NTM: variants seen among roughly 807,000 people sequenced by gnomAD.
NTM encodes the protein IgLON family member 2.
In NTM, 13 loss-of-function variants were observed where a neutral mutation model predicts 42.1. That is an observed-to-expected ratio of 0.31 (90% CI 0.20 to 0.49). The LOEUF is 0.49. Among genes scored for constraint, NTM ranks in the 20% least tolerant of loss-of-function variants. The pLI is 0.99. For missense variants in NTM, 373 were observed against 452.8 expected, an observed-to-expected ratio of 0.82 and a Z score of 1.60; for synonymous variants, 187 against 179.2, an observed-to-expected ratio of 1.04 and a Z score of -0.35.
At chr11:132,302,910 T>C (rs2094919710) in intron 4 of NTM, among the ~76,000 whole-genome samples, 1 of 152,234 alleles carries the variant, frequency 6.6e-6, no homozygotes, top group African/African-American at 2.4e-5. Flanking sequence ...TGTGAGAATT[T>C]CCTAGGAAGA....
At chr11:131,426,382 C>T (rs369865325) in intron 1 of NTM, among the ~76,000 whole-genome samples, 6 of 152,244 alleles carry the variant, frequency 3.9e-5, no homozygotes, top group Non-Finnish European at 7.4e-5. Context: ...CACAAGGGCA[C>T]GACCCTGAGC....
intron 2 of NTM, among the ~76,000 whole-genome samples, chr11:131,990,552 C>T (rs189600156): frequency 2.2e-4 from 34 of 151,778 alleles, no homozygotes; most frequent in African/African-American, 8.2e-4. Flanking sequence ...GTCTATAAAT[C>T]CAGGTTCCTT....
chr11:131,785,045 T>C (rs2088891640), intron 1 of NTM, among the ~76,000 whole-genome samples: 1 of 152,198 alleles, frequency 6.6e-6, no homozygotes, highest in Non-Finnish European at 1.5e-5. Context: ...TGTGTGTGTC[T>C]GTGTGGGTAC....
intron 1 of NTM, among the ~76,000 whole-genome samples, chr11:131,804,660 A>G (rs575487103): frequency 6.6e-6 from 1 of 152,328 alleles, no homozygotes; most frequent in Admixed American, 6.5e-5. Context: ...CCAACCTGAC[A>G]GCATCAGCCA....
At chr11:131,791,556 C>T (rs1346912837) in intron 1 of NTM, among the ~76,000 whole-genome samples, 1 of 152,168 alleles carries the variant, frequency 6.6e-6, no homozygotes, top group Non-Finnish European at 1.5e-5. Flanking sequence ...CTGAGAAGGC[C>T]CCTCAGGCTC....
intron 1 of NTM, among the ~76,000 whole-genome samples, chr11:131,789,810 G>A (rs11222797): frequency 4.1e-5 from 6 of 144,652 alleles, no homozygotes; most frequent in Non-Finnish European, 9.2e-5. Flanking sequence ...CAAAAAATTA[G>A]CCGGGTGTGG....
chr11:132,010,285 C>G (rs182784341), intron 2 of NTM, among the ~76,000 whole-genome samples: 185 of 152,306 alleles, frequency 1.2e-3, no homozygotes, highest in Non-Finnish European at 1.8e-3. Context: ...AGCTATAGCC[C>G]CAGCTTTTAG....
At position 132,215,276 on chromosome 11, in the gene NTM, G is replaced by C. The variant is rs2083612612; in HGVS notation, c.526+3129G>C. Among the ~76,000 whole-genome samples the C allele has an allele frequency of 2.0e-5, 3 of 151,894 alleles. No homozygotes were observed. The East Asian group carries it at 5.8e-4, about 29-fold the overall frequency. On this transcript the variant is annotated intron_variant, in intron 4 of 8. Coordinates refer to ENST00000683400, the MANE Select transcript of NTM (RefSeq NM_001352005.2). ...AATCCCTGGATGAACAGCTGATCAG[G>C]GCTAAGCTCTTTCAGCAACCCTGAT...
At chr11:131,930,120 C>T (rs1202738538) in intron 2 of NTM, among the ~76,000 whole-genome samples, 2 of 152,110 alleles carry the variant, frequency 1.3e-5, no homozygotes, top group Non-Finnish European at 2.9e-5. Flanking sequence ...CACTGAGTTG[C>T]AGAGAAAATA....
chr11:131,536,831 C>T (rs2052318451), intron 1 of NTM: 1 of 152,168 alleles, frequency 6.6e-6, no homozygotes, highest in Non-Finnish European at 1.5e-5. Flanking sequence ...GGGAAGTGGG[C>T]CTGGAAGAAT....
intron 1 of NTM, among the ~76,000 whole-genome samples, chr11:131,405,369 AGGCT>A (rs1945698021): frequency 3.3e-5 from 5 of 152,118 alleles, no homozygotes; most frequent in Non-Finnish European, 7.3e-5. Flanking sequence ...CCCCAGTGAG[AGGCT>A]GTTTTTCCCT....
intron 2 of NTM, among the ~76,000 whole-genome samples, chr11:131,948,557 G>A (rs1378181943): frequency 6.6e-6 from 1 of 152,104 alleles, no homozygotes; most frequent in Admixed American, 6.5e-5. Context: ...TTGCTTCTAG[G>A]AGGAGTGATT....
intron 1 of NTM, among the ~76,000 whole-genome samples, chr11:131,724,547 A>G (rs1404985574): frequency 1.3e-5 from 2 of 152,164 alleles, no homozygotes; most frequent in Non-Finnish European, 2.9e-5. Context: ...AACCCTGTTG[A>G]AAGTTAATAA....
chr11:131,956,677 G>A (rs1460078008), intron 2 of NTM, among the ~76,000 whole-genome samples: 4 of 151,102 alleles, frequency 2.6e-5, no homozygotes, highest in African/African-American at 9.9e-5. Context: ...TCCAGCTCCG[G>A]TGTTTGCCCA....
At chr11:132,297,802 G>A (rs545693045) in intron 4 of NTM, among the ~76,000 whole-genome samples, 2 of 152,270 alleles carry the variant, frequency 1.3e-5, no homozygotes, top group South Asian at 2.1e-4. Context: ...ACCAAGCCGT[G>A]TGTGTCCTGG....
At chr11:132,131,440 C>G (rs78834719) in intron 2 of NTM, among the ~76,000 whole-genome samples, 3,130 of 152,314 alleles carry the variant, frequency 0.021, 45 homozygotes, top group Non-Finnish European at 0.033. Context: ...AGAAAATACA[C>G]AGGCCCTGCC....
intron 2 of NTM, among the ~76,000 whole-genome samples, chr11:131,949,384 C>T (rs756898151): frequency 3.9e-5 from 6 of 152,186 alleles, no homozygotes; most frequent in Admixed American, 1.3e-4. Context: ...AACCTAAGCT[C>T]ATAAAGGTGG....
At chr11:131,850,931 C>A (rs970280093) in intron 1 of NTM, among the ~76,000 whole-genome samples, 1 of 152,124 alleles carries the variant, frequency 6.6e-6, no homozygotes, top group African/African-American at 2.4e-5. Flanking sequence ...GCTGTGTGTA[C>A]AGAGATGTCC....
At chr11:131,527,178 G>C (rs149709675) in intron 1 of NTM, among the ~76,000 whole-genome samples, 3 of 152,166 alleles carry the variant, frequency 2.0e-5, no homozygotes, top group Admixed American at 6.5e-5. Flanking sequence ...TATTCTCGTC[G>C]TATGTGCTGG....
Sources: gnomAD v4.1 joint callset for allele counts (sites outside exome capture counted in the v4.1 genomes callset) on GRCh38, gnomAD v4.1.1 for gene constraint, MANE v1.5 for transcripts, NCBI Gene and HGNC (gene_info 2026-07-23, HGNC 2026-07-21) for gene names.